TNFSF4: variants seen among roughly 807,000 people sequenced by gnomAD.
TNFSF4 encodes TNF superfamily member 4.
Under a neutral mutation model 7.3 loss-of-function variants are expected in TNFSF4, and 4 were observed. That is an observed-to-expected ratio of 0.55 (90% CI 0.27 to 1.25). The LOEUF is 1.25. Ranked by LOEUF, TNFSF4 falls within the 50% of genes most tolerant of loss-of-function variation. The pLI is 0.12. For synonymous variants in TNFSF4, 76 were observed against 83.7 expected, an observed-to-expected ratio of 0.91 and a Z score of 0.50; for missense variants, 181 against 208.8, an observed-to-expected ratio of 0.87 and a Z score of 0.82.
the TNFSF4 span, among the ~76,000 whole-genome samples, chr1:173,302,299 A>T: frequency 1.3e-5 from 2 of 151,954 alleles, no homozygotes; most frequent in Non-Finnish European, 2.9e-5. Context: ...TCTCTGAAGT[A>T]CAGAAGAAAA....
At chr1:173,299,486 C>T in the TNFSF4 span, among the ~76,000 whole-genome samples, 5 of 151,822 alleles carry the variant, frequency 3.3e-5, no homozygotes, top group Admixed American at 6.6e-5. Flanking sequence ...TTCCCTCTAC[C>T]CAATCCTACT....
the TNFSF4 span, among the ~76,000 whole-genome samples, chr1:173,284,254 C>G: frequency 4.6e-5 from 7 of 152,154 alleles, no homozygotes; most frequent in African/African-American, 1.7e-4. Flanking sequence ...TCCTGAAGAC[C>G]TCCACTTTAA....
chr1:173,271,387 C>G, the TNFSF4 span, among the ~76,000 whole-genome samples: 1 of 152,058 alleles, frequency 6.6e-6, no homozygotes, highest in Non-Finnish European at 1.5e-5. Flanking sequence ...TTCCCAGTAC[C>G]ATTTATTAAA....
chr1:173,179,294 A>G (rs935944752), downstream of TNFSF4, among the ~76,000 whole-genome samples: 1 of 152,222 alleles, frequency 6.6e-6, no homozygotes, highest in Non-Finnish European at 1.5e-5. Flanking sequence ...GAAGATCAGG[A>G]GCAATGGGCA....
intron 1 of TNFSF4, among the ~76,000 whole-genome samples, chr1:173,194,511 G>A (rs560459330): frequency 6.6e-6 from 1 of 152,280 alleles, no homozygotes; most frequent in Admixed American, 6.5e-5. Flanking sequence ...AGACAGAGAA[G>A]AGCTGGATGA....
At chr1:173,179,510 C>T (rs894663032), downstream of TNFSF4, among the ~76,000 whole-genome samples, 4 of 152,200 alleles carry the variant, frequency 2.6e-5, no homozygotes, top group Non-Finnish European at 5.9e-5. Context: ...CATCTATACA[C>T]ACCCCTTTAA....
chr1:173,377,989 A>G, the TNFSF4 span, among the ~76,000 whole-genome samples: 1 of 152,220 alleles, frequency 6.6e-6, no homozygotes, highest in South Asian at 2.1e-4. Flanking sequence ...TATGACTCTA[A>G]CAGATTTTCG....
At chr1:173,243,134 C>T in the TNFSF4 span, among the ~76,000 whole-genome samples, 29,178 of 151,780 alleles carry the variant, frequency 0.19, 3,469 homozygotes, top group Admixed American at 0.32. Context: ...TCAAATAGAC[C>T]TCTCACAAGA....
At chr1:173,288,840 G>A in the TNFSF4 span, among the ~76,000 whole-genome samples, 1 of 151,340 alleles carries the variant, frequency 6.6e-6, no homozygotes, top group Admixed American at 6.6e-5. Flanking sequence ...TGACATGATG[G>A]AATAATTGAA....
At chr1:173,370,337 G>A in the TNFSF4 span, among the ~76,000 whole-genome samples, 15,883 of 152,172 alleles carry the variant, frequency 0.1, 949 homozygotes, top group East Asian at 0.27. Context: ...AATGACAGCC[G>A]AAGAAAGGGG....
upstream of TNFSF4, among the ~76,000 whole-genome samples, chr1:173,209,135 T>C (rs371589334): frequency 6.6e-6 from 1 of 152,230 alleles, no homozygotes. Context: ...GTCGTCCTAC[T>C]ACCATATTTT....
chr1:173,381,143 G>A, the TNFSF4 span, among the ~76,000 whole-genome samples: 161 of 152,184 alleles, frequency 1.1e-3, no homozygotes, highest in Non-Finnish European at 2.0e-3. Flanking sequence ...ACTCTCAAAG[G>A]ATTTCTCAGA....
the TNFSF4 span, among the ~76,000 whole-genome samples, chr1:173,232,637 C>A: frequency 6.6e-6 from 1 of 152,076 alleles, no homozygotes; most frequent in Non-Finnish European, 1.5e-5. Context: ...TTTTGAGATA[C>A]GTTCCATCAA....
chr1:173,175,227 C>T, the TNFSF4 span: 1 of 152,160 alleles, frequency 6.6e-6, no homozygotes, highest in South Asian at 2.1e-4. Flanking sequence ...CCAGAGGATA[C>T]AGCTGATAAG....
chr1:173,195,883 C>T (rs1186771325), intron 1 of TNFSF4, among the ~76,000 whole-genome samples: 1 of 152,194 alleles, frequency 6.6e-6, no homozygotes, highest in Non-Finnish European at 1.5e-5. Context: ...GGAAACACAT[C>T]TGGAGTGGGG....
the TNFSF4 span, among the ~76,000 whole-genome samples, chr1:173,345,116 T>C: frequency 6.6e-6 from 1 of 152,188 alleles, no homozygotes; most frequent in South Asian, 2.1e-4. Flanking sequence ...TAATCTCCAA[T>C]TAATGCAGAG....
At chr1:173,289,534 A>G in the TNFSF4 span, among the ~76,000 whole-genome samples, 1 of 152,210 alleles carries the variant, frequency 6.6e-6, no homozygotes, top group South Asian at 2.1e-4. Context: ...ACTTTTTAAA[A>G]TTACTAGACA....
the TNFSF4 span, among the ~76,000 whole-genome samples, chr1:173,386,749 G>A: frequency 6.6e-6 from 1 of 152,200 alleles, no homozygotes; most frequent in Non-Finnish European, 1.5e-5. Context: ...GTGAAGTCAT[G>A]GGGATGGACC....
At chr1:173,385,422 T>C in the TNFSF4 span, among the ~76,000 whole-genome samples, 1 of 152,236 alleles carries the variant, frequency 6.6e-6, no homozygotes, top group Admixed American at 6.5e-5. Flanking sequence ...CAGGTCACTC[T>C]ATAGCTAAAA....
Sources: gnomAD v4.1 joint callset for allele counts (sites outside exome capture counted in the v4.1 genomes callset) on GRCh38, gnomAD v4.1.1 for gene constraint, MANE v1.5 for transcripts, NCBI Gene and HGNC (gene_info 2026-07-23, HGNC 2026-07-21) for gene names.